GRIA4: variants seen among roughly 807,000 people sequenced by gnomAD.
GRIA4 encodes glutamate receptor 4.
In GRIA4, 34 loss-of-function variants were observed where a neutral mutation model predicts 104.0. The ratio of observed to expected loss-of-function variants is 0.33; its 90% CI spans 0.25 to 0.44. The LOEUF is 0.44. GRIA4 is among the 20% of genes least tolerant of loss of function. The pLI, the probability that GRIA4 is intolerant of heterozygous loss-of-function variation, is 1.00. For missense variants in GRIA4, 750 were observed against 1,096.5 expected (o/e 0.68, Z 4.46); for synonymous variants, 386 against 381.9 (o/e 1.01, Z -0.13).
chr11:105,969,439 T>C (rs569847553), intron 14 of GRIA4, among the ~76,000 whole-genome samples: 97 of 152,228 alleles, frequency 6.4e-4, no homozygotes, highest in African/African-American at 2.3e-3. Flanking sequence ...AAAGTGTTAA[T>C]CTAATCCTCT....
chr11:105,876,401 G>T (rs1945822982), intron 5 of GRIA4, among the ~76,000 whole-genome samples: 1 of 152,184 alleles, frequency 6.6e-6, no homozygotes, highest in African/African-American at 2.4e-5. Context: ...TTGATTTGGG[G>T]TGGAGAGTTC....
intron 1 of GRIA4, 31 bp from the exon 2 acceptor site, chr11:105,610,877 T>TTTTTTTTTTG: frequency 8.7e-6 from 4 of 459,050 alleles, no homozygotes; most frequent in Non-Finnish European, 1.5e-5. Context: ...TTTCTTTTTT[T>TTTTTTTTTTG]TTTTTTTTTT....
At chr11:105,934,187 A>G (rs1947963772) in intron 14 of GRIA4, among the ~76,000 whole-genome samples, 1 of 152,084 alleles carries the variant, frequency 6.6e-6, no homozygotes, top group Non-Finnish European at 1.5e-5. Flanking sequence ...AGGCCATATA[A>G]AAACCAAACT....
At chr11:105,715,511 G>A (rs2135559766) in intron 3 of GRIA4, among the ~76,000 whole-genome samples, 1 of 152,256 alleles carries the variant, frequency 6.6e-6, no homozygotes, top group Admixed American at 6.5e-5. Flanking sequence ...CAAGAAGTCA[G>A]ACCAGGAAGA....
At chr11:105,908,513 GCCCATGGT>G (rs1381161163) in intron 9 of GRIA4, among the ~76,000 whole-genome samples, 1 of 149,966 alleles carries the variant, frequency 6.7e-6, no homozygotes, top group Non-Finnish European at 1.5e-5. Context: ...TTCTAAATAA[GCCCATGGT>G]CCACATGAAA....
At chr11:105,658,455 T>C (rs1218521776) in intron 3 of GRIA4, among the ~76,000 whole-genome samples, 1 of 151,468 alleles carries the variant, frequency 6.6e-6, no homozygotes, top group Admixed American at 6.6e-5. Context: ...TAAAAGAATC[T>C]GGAATGTGTA....
chr11:105,652,433 C>T lies in GRIA4; in HGVS notation c.247+39999C>T, dbSNP rs1460334258. On this transcript the variant is annotated intron_variant, in intron 3 of 16. Transcript: ENST00000282499. ...ATTTTAACACAGGCTTCCAGTGTAA[C>T]CAGTAAGATGAGGACACTCAACTTT... Among the ~76,000 whole-genome samples, 10 of 152,202 alleles carry T rather than the reference C, an allele frequency of 6.6e-5. 1 individual carries two copies. The South Asian group carries it at 2.1e-3, about 32-fold the overall frequency.
intron 6 of GRIA4, among the ~76,000 whole-genome samples, chr11:105,892,633 C>T (rs1017890559): frequency 6.6e-6 from 1 of 152,136 alleles, no homozygotes; most frequent in Non-Finnish European, 1.5e-5. Flanking sequence ...TTTTTATTGA[C>T]GTGCAGTGAC....
intron 5 of GRIA4, among the ~76,000 whole-genome samples, chr11:105,873,588 T>C (rs770825598): frequency 3.4e-4 from 51 of 152,166 alleles, no homozygotes; most frequent in Non-Finnish European, 5.9e-4. Flanking sequence ...CAGCATCTGC[T>C]GTTTGACTTT....
chr11:105,619,992 G>T (rs1246695175), intron 3 of GRIA4, among the ~76,000 whole-genome samples: 1 of 151,578 alleles, frequency 6.6e-6, no homozygotes, highest in Non-Finnish European at 1.5e-5. Context: ...TCTGCCTCTC[G>T]CATTGTCATC....
At chr11:105,927,927 A>T (rs982397438) in intron 13 of GRIA4, among the ~76,000 whole-genome samples, 2 of 152,028 alleles carry the variant, frequency 1.3e-5, no homozygotes, top group East Asian at 3.9e-4. Flanking sequence ...GACAGAACAT[A>T]TATTTTATTA....
chr11:105,651,355 A>C (rs1392318303), intron 3 of GRIA4, among the ~76,000 whole-genome samples: 1 of 119,926 alleles, frequency 8.3e-6, no homozygotes, highest in Non-Finnish European at 1.9e-5. Context: ...TGTGATTCCC[A>C]AACCTGCATT....
intron 6 of GRIA4, among the ~76,000 whole-genome samples, chr11:105,897,538 G>A (rs967600846): frequency 7.2e-5 from 11 of 152,052 alleles, no homozygotes; most frequent in Admixed American, 1.3e-4. Context: ...GATGTTTGCC[G>A]TGGGTTTGTC....
intron 3 of GRIA4, among the ~76,000 whole-genome samples, chr11:105,720,244 G>C (rs1423847942): frequency 6.6e-6 from 1 of 151,056 alleles, no homozygotes; most frequent in African/African-American, 2.4e-5. Flanking sequence ...ATGCAACTTT[G>C]CTGGGCCCAC....
chr11:105,822,785 A>C (rs17104599), intron 4 of GRIA4, among the ~76,000 whole-genome samples: 2,875 of 152,262 alleles, frequency 0.019, 81 homozygotes, highest in African/African-American at 0.065. Context: ...GATGGGGTTA[A>C]TATGTCACAA....
rs138254493 is a variant in GRIA4 at position 105,848,402 on chromosome 11, T to C, written c.488-13622T>C. Reference sequence around the variant, plus strand: ...TAATTTTTGGCACAACATTAAAATATAGTTTATTTTAAAGTGGTCATTTTA... The same window carrying C: ...TAATTTTTGGCACAACATTAAAATACAGTTTATTTTAAAGTGGTCATTTTA... On this transcript the variant is annotated intron_variant, in intron 4 of 16. Transcript: ENST00000282499. 1.9e-3 allele frequency among the ~76,000 whole-genome samples: 292 copies of C among 152,324 alleles called. 3 individuals carry two copies. Among genetic ancestry groups the C allele is most frequent in the African/African-American group, 6.6e-3 (274 of 41,574 alleles).
rs774221231 is a variant in GRIA4, at chr11:105,903,803, C to A, written c.886-11C>A. 1 of 1,583,726 alleles carries A rather than the reference C, an allele frequency of 6.3e-7. No homozygotes were observed. Among genetic ancestry groups the A allele is most frequent in the South Asian group, 1.1e-5 (1 of 89,618 alleles). On this transcript the variant is annotated splice_polypyrimidine_tract_variant and intron_variant, in intron 7 of 16. Coordinates refer to ENST00000282499, the MANE Select transcript of GRIA4 (RefSeq NM_000829.4). The stretch of plus-strand genomic sequence containing the variant: ...TAACATTTACCATTATGTTCATTTT[C>A]ATTTGGTTAGTACACCTCTGCTCTG...
intron 3 of GRIA4, among the ~76,000 whole-genome samples, chr11:105,639,453 G>C (rs574111867): frequency 7.1e-4 from 108 of 151,978 alleles, no homozygotes; most frequent in African/African-American, 2.5e-3. Flanking sequence ...CATGACTAGA[G>C]TCAATTATTT....
chr11:105,981,679 C>A lies in GRIA4; in HGVS notation c.*1940C>A, dbSNP rs1859257697. The A allele has an allele frequency of 6.6e-6, 1 of 152,442 alleles. No homozygotes were observed. Among genetic ancestry groups the A allele is most frequent in the Non-Finnish European group, 1.5e-5 (1 of 68,282 alleles). 9.4% of individuals were successfully genotyped at this position (152,442 alleles called of 1,614,324 possible). A position where few individuals can be genotyped will look rare whatever the true frequency, so the allele number is the denominator to read the frequency against. ...CTTGCTTATTTCTTCCAGGACTTCT[C>A]TCACTTCTATCCAGCTATTCCCGTC... On this transcript the variant is annotated 3_prime_UTR_variant, in exon 17 of 17. Coordinates refer to ENST00000282499, the MANE Select transcript of GRIA4 (RefSeq NM_000829.4).
Sources: gnomAD v4.1 joint callset for allele counts (sites outside exome capture counted in the v4.1 genomes callset) on GRCh38, gnomAD v4.1.1 for gene constraint, MANE v1.5 for transcripts, NCBI Gene and HGNC (gene_info 2026-07-23, HGNC 2026-07-21) for gene names.